TRPM3: variants seen among roughly 807,000 people sequenced by gnomAD.
The protein encoded by TRPM3 is transient receptor potential cation channel subfamily M member 3.
In TRPM3, 77 loss-of-function variants were observed where a neutral mutation model predicts 181.2. The ratio of observed to expected loss-of-function variants is 0.42; its 90% CI spans 0.35 to 0.51. TRPM3 has a LOEUF of 0.51. Ranked by LOEUF, TRPM3 falls within the 20% of genes least tolerant of loss-of-function variation. TRPM3 has a pLI of 0.01. For missense variants in TRPM3, 1,759 were observed against 2,196.7 expected (o/e 0.80, Z 3.98); for synonymous variants, 745 against 796.4 (o/e 0.94, Z 1.09).
rs140656974 is a variant in TRPM3 at position 71,411,717 on chromosome 9, T to C, written c.183+34936A>G. On this transcript the variant is annotated intron_variant, in intron 1 of 24. Transcript: ENST00000357533. ...AATGCCATCCCCATCAAGCTACCAG[T>C]GACTTTCTTCACAGAATTGGAAAAA... Among the ~76,000 whole-genome samples, 454 of 152,304 alleles carry C rather than the reference T, an allele frequency of 3.0e-3. 6 individuals carry two copies. The highest frequency in any genetic ancestry group is 0.027 in the Admixed American group (415 of 15,296).
upstream of TRPM3, among the ~76,000 whole-genome samples, chr9:71,124,497 C>G (rs1311493377): frequency 1.3e-5 from 2 of 152,136 alleles, no homozygotes; most frequent in Non-Finnish European, 2.9e-5. Context: ...CAGGGCATAT[C>G]AGATTTCTGT....
rs1483714998 is a variant in TRPM3 at position 71,080,203 on chromosome 9, T to TAAATAAATAAATAAAATA, written c.177+40974_177+40975insTATTTTATTTATTTATTT. Among the ~76,000 whole-genome samples the TAAATAAATAAATAAAATA allele has an allele frequency of 8.4e-3, 1,264 of 149,860 alleles. 13 individuals carry two copies. The highest frequency in any genetic ancestry group is 0.029 in the African/African-American group (1,190 of 40,582). On this transcript the variant is annotated intron_variant, in intron 1 of 25. Coordinates refer to ENST00000677713, the MANE Select transcript of TRPM3 (RefSeq NM_001366145.2). ...ATAAATAAATAAATAAATAAATAAA[T>TAAATAAATAAATAAAATA]AAATAAAATAAAAAGGGAGACTTTG...
At chr9:70,653,200 A>T (rs931435138) in intron 9 of TRPM3, among the ~76,000 whole-genome samples, 3 of 152,132 alleles carry the variant, frequency 2.0e-5, no homozygotes, top group Non-Finnish European at 4.4e-5. Context: ...GAGTGAAGAA[A>T]CTAATATTCA....
At chr9:71,226,126 G>C (rs996349476) in intron 1 of TRPM3, among the ~76,000 whole-genome samples, 1 of 121,300 alleles carries the variant, frequency 8.2e-6, no homozygotes, top group African/African-American at 2.7e-5. Context: ...AAAATAATGG[G>C]TTATAAAATA....
intron 25 of TRPM3, 23 bp from the exon 26 acceptor site, chr9:70,537,428 G>A: frequency 1.4e-6 from 2 of 1,428,854 alleles, no homozygotes; most frequent in South Asian, 1.7e-5. Context: ...GAGAGAATGA[G>A]AGTCACTCGG....
intron 1 of TRPM3, among the ~76,000 whole-genome samples, chr9:70,963,139 A>T (rs1590118630): frequency 6.6e-6 from 1 of 152,158 alleles, no homozygotes; most frequent in African/African-American, 2.4e-5. Context: ...AATGTTTCCA[A>T]ATCAATCCAC....
chr9:71,176,218 C>T (rs1928537), intron 1 of TRPM3, among the ~76,000 whole-genome samples: 103,059 of 151,960 alleles, frequency 0.68, 35,322 homozygotes, highest in African/African-American at 0.77. Context: ...GAAGAAGGCA[C>T]TGTTATCATA....
chr9:70,606,864 C>CAGTT (rs1489805933), intron 19 of TRPM3, among the ~76,000 whole-genome samples: 1 of 152,124 alleles, frequency 6.6e-6, no homozygotes, highest in African/African-American at 2.4e-5. Context: ...AAGCCTGACA[C>CAGTT]AGTTTGCTAT....
rs1285629556 is a variant in TRPM3, at chr9:70,535,721, C to A, written c.*232G>T. 4 of 1,437,650 alleles carry A rather than the reference C, an allele frequency of 2.8e-6. No individual in the cohort carries two copies. Among genetic ancestry groups the A allele is most frequent in the Non-Finnish European group, 3.6e-6 (4 of 1,102,736 alleles). The allele number at this position is 1,437,650 out of a possible 1,614,324, so 89.1% of individuals were successfully genotyped here. On this transcript the variant is annotated 3_prime_UTR_variant, in exon 26 of 26. Coordinates refer to ENST00000677713, the MANE Select transcript of TRPM3 (RefSeq NM_001366145.2). ...CTTCTCCCTCTCTTCCCCCTCCCTG[C>A]CCAGCAAGTGTGAACATGCCTTAAA...
intron 1 of TRPM3, among the ~76,000 whole-genome samples, chr9:70,955,121 GT>G (rs1239858436): frequency 6.6e-6 from 1 of 152,026 alleles, no homozygotes; most frequent in Non-Finnish European, 1.5e-5. Context: ...CCATCCAACA[GT>G]TATATCAGCC....
At chr9:70,893,378 G>A (rs1009579547) in intron 1 of TRPM3, among the ~76,000 whole-genome samples, 24 of 152,174 alleles carry the variant, frequency 1.6e-4, no homozygotes, top group African/African-American at 5.5e-4. Context: ...GCTTTATAGG[G>A]CTCTCATTAG....
intron 1 of TRPM3, among the ~76,000 whole-genome samples, chr9:71,362,922 T>C (rs1424944407): frequency 6.6e-6 from 1 of 152,210 alleles, no homozygotes; most frequent in Non-Finnish European, 1.5e-5. Context: ...CCTAGTGGTA[T>C]TTCATTGGGA....
At chr9:71,420,998 AAAGAGAGAAAAAG>A (rs2093759763) in intron 1 of TRPM3, among the ~76,000 whole-genome samples, 1 of 99,578 alleles carries the variant, frequency 1.0e-5, no homozygotes, top group African/African-American at 3.3e-5. Context: ...AGAGAGAGAA[AAAGAGAGAAAAAG>A]AGAGAAAAAG....
In TRPM3 at chr9:71,292,569, T is replaced by C. The variant is rs183292741; in HGVS notation, c.183+154084A>G. Among the ~76,000 whole-genome samples, 83 of 152,106 alleles carry C rather than the reference T, an allele frequency of 5.5e-4. 1 individual carries two copies. The highest frequency in any genetic ancestry group is 1.9e-3 in the African/African-American group (78 of 41,556). On this transcript the variant is annotated intron_variant, in intron 1 of 24. Transcript: ENST00000357533. ...TTATTAAAAGTGACTTAAGTCAGTATTACTATCAGTCTGTTAAGAAGAGAT... is the reference window on the plus strand; with the variant it reads ...TTATTAAAAGTGACTTAAGTCAGTACTACTATCAGTCTGTTAAGAAGAGAT...
intron 1 of TRPM3, among the ~76,000 whole-genome samples, chr9:71,209,722 T>A (rs1318928524): frequency 2.0e-5 from 3 of 152,166 alleles, no homozygotes; most frequent in Non-Finnish European, 4.4e-5. Flanking sequence ...TGGTTTTACA[T>A]TATTAAATAG....
intron 1 of TRPM3, among the ~76,000 whole-genome samples, chr9:71,287,011 TATAA>T (rs2085350256): frequency 1.7e-5 from 2 of 117,506 alleles, no homozygotes; most frequent in African/African-American, 6.8e-5. Context: ...ATATACAACA[TATAA>T]TATAGTATAT....
Position 70,772,184 on chromosome 9 carries a change from CAT to C in TRPM3, c.1149-10462_1149-10461del, listed in dbSNP as rs202096841. Among the ~76,000 whole-genome samples, 969 of 152,306 alleles carry C rather than the reference CAT, an allele frequency of 6.4e-3. 10 individuals are homozygous for C. Among genetic ancestry groups the C allele is most frequent in the African/African-American group, 0.022 (908 of 41,570 alleles). On this transcript the variant is annotated intron_variant, in intron 7 of 25. Transcript: ENST00000677713. The stretch of plus-strand genomic sequence containing the variant: ...TATCCAATATGGTAGCTGTTACTCA[CAT>C]GTGGCTATTTAATTATAATACAATG...
intron 1 of TRPM3, among the ~76,000 whole-genome samples, chr9:71,231,891 C>A (rs2081075084): frequency 6.6e-6 from 1 of 152,126 alleles, no homozygotes; most frequent in Non-Finnish European, 1.5e-5. Flanking sequence ...GTATAATAAA[C>A]CTGAACATGA....
chr9:71,133,004 T>C (rs185903593), intron 1 of TRPM3, among the ~76,000 whole-genome samples: 21 of 152,266 alleles, frequency 1.4e-4, no homozygotes, highest in African/African-American at 3.6e-4. Flanking sequence ...TTCCTTAAGA[T>C]ACAATTTAGG....
Sources: allele counts gnomAD v4.1 joint callset (sites outside exome capture counted in the v4.1 genomes callset), GRCh38; gene constraint gnomAD v4.1.1; transcripts MANE v1.5; gene names NCBI Gene and HGNC (gene_info 2026-07-23, HGNC 2026-07-21).